Variants in CYLD observed in about 807,000 individuals in gnomAD.
CYLD encodes the protein ubiquitin carboxyl-terminal hydrolase CYLD.
CYLD carries 26 observed loss-of-function variants against 104.5 expected under a neutral mutation model. That is an observed-to-expected ratio of 0.25 (90% CI 0.18 to 0.35). The LOEUF (loss-of-function observed/expected upper bound fraction) is 0.35. Ranked by LOEUF, CYLD falls within the 10% of genes least tolerant of loss-of-function variation. The pLI is 1.00. For synonymous variants in CYLD, 385 were observed against 399.9 expected, an observed-to-expected ratio of 0.96 and a Z score of 0.45; for missense variants, 703 against 1,136.1, an observed-to-expected ratio of 0.62 and a Z score of 5.48.
rs779998321 is a variant in CYLD, at chr16:50,787,893, A to G, written c.2108+41A>G. The G allele has an allele frequency of 6.8e-6, 8 of 1,169,096 alleles. No homozygotes were observed. In the South Asian group the frequency reaches 7.8e-5, roughly 11 times the overall value. 72.4% of individuals were successfully genotyped at this position (1,169,096 alleles called of 1,614,324 possible). ...TTCTAGAAGCATTGGAAAAATAGACAATTCTCATTTCTACTGCCATTATTC... is the reference window on the plus strand; with the variant it reads ...TTCTAGAAGCATTGGAAAAATAGACGATTCTCATTTCTACTGCCATTATTC... On this transcript the variant is annotated intron_variant, in intron 14 of 18. Transcript: ENST00000427738.
chr16:50,770,042 C>T (rs1968976036), intron 5 of CYLD, among the ~76,000 whole-genome samples: 1 of 152,138 alleles, frequency 6.6e-6, no homozygotes, highest in South Asian at 2.1e-4. Context: ...GTTTGTTTAA[C>T]TGTTTAGCTG....
intron 9 of CYLD, 51 bp downstream of exon 9, chr16:50,780,095 T>G (rs1451819344): frequency 1.9e-6 from 3 of 1,604,764 alleles, no homozygotes; most frequent in Non-Finnish European, 2.6e-6. Flanking sequence ...TGAGGTTTTG[T>G]GCAGATTTCG....
intron 14 of CYLD, among the ~76,000 whole-genome samples, chr16:50,789,401 C>G (rs1174412137): frequency 1.3e-5 from 2 of 152,176 alleles, no homozygotes; most frequent in Non-Finnish European, 2.9e-5. Context: ...AGCCTACACA[C>G]TTATGGAATG....
intron 8 of CYLD, chr16:50,778,196 C>T (rs1168017702): frequency 1.7e-5 from 6 of 356,466 alleles, no homozygotes; most frequent in Non-Finnish European, 1.0e-5. Context: ...AGATTTCTGT[C>T]TGGTTCCTTC....
At chr16:50,760,583 A>G (rs1207529251) in intron 5 of CYLD, among the ~76,000 whole-genome samples, 1 of 152,044 alleles carries the variant, frequency 6.6e-6, no homozygotes, top group African/African-American at 2.4e-5. Flanking sequence ...TATTCTCTTA[A>G]TTTTATATGT....
rs933949307 is a variant in CYLD, at chr16:50,798,506, A to G, written c.*1998A>G. On this transcript the variant is annotated 3_prime_UTR_variant, in exon 19 of 19. Coordinates refer to ENST00000427738, the MANE Select transcript of CYLD (RefSeq NM_001378743.1). ...ATATGCAAATTCTGTACCATTTTGTATCAGGGAATTGAGCATCTTCAGATG... is the reference window on the plus strand; with the variant it reads ...ATATGCAAATTCTGTACCATTTTGTGTCAGGGAATTGAGCATCTTCAGATG... The G allele has an allele frequency of 4.3e-6, 1 of 232,148 alleles. No homozygotes were observed. The highest frequency in any genetic ancestry group is 2.2e-5 in the African/African-American group (1 of 45,236). 14.4% of individuals were successfully genotyped at this position (232,148 alleles called of 1,614,324 possible). A position where few individuals can be genotyped will look rare whatever the true frequency, so the allele number is the denominator to read the frequency against.
In CYLD at chr16:50,800,558, T is replaced by G. The variant is rs775965696; in HGVS notation, c.*4050T>G. 6 of 232,846 alleles carry G rather than the reference T, an allele frequency of 2.6e-5. No homozygotes were observed. Among genetic ancestry groups the G allele is most frequent in the Non-Finnish European group, 4.2e-5 (5 of 117,816 alleles). 14.4% of individuals were successfully genotyped at this position (232,846 alleles called of 1,614,324 possible). A position where few individuals can be genotyped will look rare whatever the true frequency, so the allele number is the denominator to read the frequency against. ...ACTTAAGAGGATATTTGATGTTATTTACCTGGATATTTTCTTCCCCTTTTA... is the reference window on the plus strand; with the variant it reads ...ACTTAAGAGGATATTTGATGTTATTGACCTGGATATTTTCTTCCCCTTTTA... On this transcript the variant is annotated 3_prime_UTR_variant, in exon 19 of 19. Coordinates refer to ENST00000427738, the MANE Select transcript of CYLD (RefSeq NM_001378743.1).
At chr16:50,747,011 T>A (rs1596955861) in intron 2 of CYLD, among the ~76,000 whole-genome samples, 1 of 152,288 alleles carries the variant, frequency 6.6e-6, no homozygotes, top group East Asian at 1.9e-4. Flanking sequence ...AAAGAATTTC[T>A]TTTCAAAATA....
chr16:50,743,896 T>C (rs944518854), intron 2 of CYLD, among the ~76,000 whole-genome samples: 6 of 152,226 alleles, frequency 3.9e-5, no homozygotes, highest in Non-Finnish European at 7.3e-5. Context: ...TTAGGCAAAA[T>C]TCATTAAATA....
intron 3 of CYLD, 83 bp downstream of exon 3, chr16:50,750,285 T>G: frequency 6.8e-7 from 1 of 1,477,700 alleles, no homozygotes; most frequent in Non-Finnish European, 9.4e-7. Context: ...CATATTTTTC[T>G]CCTTAAATAC....
intron 12 of CYLD, chr16:50,785,423 C>CTTTTTTTTTTTTTTTTTTTTTTTT: frequency 1.3e-5 from 2 of 152,058 alleles, no homozygotes; most frequent in East Asian, 3.9e-4. Context: ...ATATCTTTTG[C>CTTTTTTTTTTTTTTTTTTTTTTTT]TTTCTTTAAA....
In CYLD at chr16:50,795,726, A is replaced by G. The variant is rs1971975040; in HGVS notation, c.2687-598A>G. 1.6e-5 allele frequency: 10 copies of G among 628,094 alleles called. No homozygotes were observed. The South Asian group carries it at 1.8e-4, about 11-fold the overall frequency. The allele number at this position is 628,094 out of a possible 1,614,324, so 38.9% of individuals were successfully genotyped here. ...AGCCCCATCTGTAGATGTGCCCCCAACCCAGTTAACATTTGCACTAAACAG... is the reference window on the plus strand; with the variant it reads ...AGCCCCATCTGTAGATGTGCCCCCAGCCCAGTTAACATTTGCACTAAACAG... On this transcript the variant is annotated intron_variant, in intron 18 of 18. Transcript: ENST00000427738.
rs557502143 is a variant in CYLD at position 50,800,677 on chromosome 16, A to G, written c.*4169A>G. 4.3e-6 allele frequency: 1 copy of G among 232,584 alleles called. No homozygotes were observed. The highest frequency in any genetic ancestry group is 2.2e-5 in the African/African-American group (1 of 45,336). 14.4% of individuals were successfully genotyped at this position (232,584 alleles called of 1,614,324 possible). The stretch of plus-strand genomic sequence containing the variant: ...GAAAAAAATTACATTATTTCTTACC[A>G]TTTGCTACTTTATAATGAAAATTTA... On this transcript the variant is annotated 3_prime_UTR_variant, in exon 19 of 19. Transcript: ENST00000427738.
intron 5 of CYLD, among the ~76,000 whole-genome samples, chr16:50,763,172 G>T (rs1441199396): frequency 6.6e-6 from 1 of 152,128 alleles, no homozygotes; most frequent in African/African-American, 2.4e-5. Flanking sequence ...TGTTTTCAAG[G>T]TTCCTCCATG....
At chr16:50,790,359 C>T (rs553121312) in intron 14 of CYLD, among the ~76,000 whole-genome samples, 19 of 152,226 alleles carry the variant, frequency 1.2e-4, no homozygotes, top group African/African-American at 2.6e-4. Flanking sequence ...TGCAGTGGTC[C>T]GTTCAACCAC....
Position 50,794,470 on chromosome 16 carries a change from GGTTTGTAGTGGGACA to G in CYLD, c.2686+56_2686+70del. ...TCTTCTGCATGTGGCACAGGGTTCT[GGTTTGTAGTGGGACA>G]GTTTGTAGTGGGATCGCCTGTTCTG... On this transcript the variant is annotated intron_variant, in intron 18 of 18. Transcript: ENST00000427738. The surrounding 1 kb of genome is among the most constrained non-coding windows in gnomAD (Gnocchi z 4.1). 6.4e-7 allele frequency: 1 copy of G among 1,569,060 alleles called. No homozygotes were observed. Among genetic ancestry groups the G allele is most frequent in the East Asian group, 2.2e-5 (1 of 44,658 alleles).
intron 13 of CYLD, chr16:50,787,502 C>T (rs932305910): frequency 5.5e-6 from 2 of 361,484 alleles, no homozygotes; most frequent in African/African-American, 2.1e-5. Flanking sequence ...TTTACCTTAA[C>T]CCCTCCAAAG....
Position 50,787,888 on chromosome 16 carries a change from T to C in CYLD, c.2108+36T>C, listed in dbSNP as rs750270014. On this transcript the variant is annotated intron_variant, in intron 14 of 18. Transcript: ENST00000427738. ...AATTGTTCTAGAAGCATTGGAAAAA[T>C]AGACAATTCTCATTTCTACTGCCAT... 7.5e-6 allele frequency: 9 copies of C among 1,193,364 alleles called. No homozygotes were observed. In the Admixed American group the frequency reaches 1.5e-4, roughly 20 times the overall value. The allele number at this position is 1,193,364 out of a possible 1,614,324, so 73.9% of individuals were successfully genotyped here. A position where few individuals can be genotyped will look rare whatever the true frequency, so the allele number is the denominator to read the frequency against.
rs1159766253 is a variant in CYLD, at chr16:50,794,266, A to G, written c.2524A>G (p.Lys842Glu). 24 of 1,614,106 alleles carry G rather than the reference A, an allele frequency of 1.5e-5. No individual in the cohort carries two copies. The highest frequency in any genetic ancestry group is 2.0e-5 in the Non-Finnish European group (24 of 1,180,002). ...TAAATATAACCCAGTGTCACTTCCC[A>G]AAGACTTACCCGACTGGGACTGGAG... ...NHKYNPVSLP[K>E]DLPDWDWRHG... Residue 842 changes from lysine (K) to glutamate (E), a missense_variant, in exon 18 of 19, where the codon AAA becomes GAA. Lys to Glu is a moderately conservative substitution (Grantham distance 56). Around this residue, in one of 5 missense-constraint regions of CYLD, gnomAD observed 130 missense variants for 220.2 expected, o/e 0.59. Coordinates refer to ENST00000427738, the MANE Select transcript of CYLD (RefSeq NM_001378743.1). This position sits in a 1 kb window ranked among gnomAD's most constrained non-coding sequence, Gnocchi z 4.1.
Sources: gnomAD v4.1 joint callset for allele counts (sites outside exome capture counted in the v4.1 genomes callset) on GRCh38, gnomAD v4.1.1 for gene constraint, gnomAD v4.1.1 regional missense constraint, Gnocchi (gnomAD v3.1) non-coding constraint, MANE v1.5 for transcripts, NCBI Gene and HGNC (gene_info 2026-07-23, HGNC 2026-07-21) for gene names.